Variants in CHI3L2 observed in about 807,000 individuals in gnomAD.
CHI3L2 encodes chitinase-3-like protein 2.
Under a neutral mutation model 47.3 loss-of-function variants are expected in CHI3L2, and 47 were observed. That is an observed-to-expected ratio of 0.99 (90% CI 0.79 to 1.27). The LOEUF (loss-of-function observed/expected upper bound fraction) is 1.27. Among genes scored for constraint, CHI3L2 ranks in the 50% most tolerant of loss-of-function variants. CHI3L2 has a pLI of 0.00. For synonymous variants in CHI3L2, 198 were observed against 169.9 expected, an observed-to-expected ratio of 1.17 and a Z score of -1.28; for missense variants, 497 against 462.1, an observed-to-expected ratio of 1.08 and a Z score of -0.69.
At chr1:111,232,607 A>G (rs570744629) in intron 4 of CHI3L2, among the ~76,000 whole-genome samples, 1 of 152,370 alleles carries the variant, frequency 6.6e-6, no homozygotes, top group South Asian at 2.1e-4. Flanking sequence ...ACTGTTTAGC[A>G]TAGTGCCCCT....
chr1:111,228,642 CAA>C (rs1431288529), intron 1 of CHI3L2, among the ~76,000 whole-genome samples: 3 of 152,230 alleles, frequency 2.0e-5, no homozygotes, highest in African/African-American at 7.2e-5. Context: ...TGTGAGTCAT[CAA>C]GAGAGAACAG....
intron 9 of CHI3L2, among the ~76,000 whole-genome samples, chr1:111,241,696 T>G (rs947952445): frequency 3.6e-4 from 54 of 151,804 alleles, no homozygotes; most frequent in African/African-American, 1.3e-3. Flanking sequence ...AAGTGAGGAG[T>G]GGAGAGAAGA....
intron 8 of CHI3L2, 126 bp from the exon 9 acceptor site, chr1:111,241,201 C>A: frequency 1.3e-6 from 1 of 744,418 alleles, no homozygotes. Context: ...CTCTCATTGT[C>A]TGATCCTTGG....
intron 9 of CHI3L2, 151 bp downstream of exon 9, chr1:111,241,594 A>G: frequency 1.7e-6 from 1 of 591,060 alleles, no homozygotes; most frequent in Non-Finnish European, 3.0e-6. Flanking sequence ...TCTAGTAGTG[A>G]CTCTATGTCA....
chr1:111,227,894 A>T, intron 1 of CHI3L2, 125 bp downstream of exon 1: 2 of 973,050 alleles, frequency 2.1e-6, no homozygotes, highest in South Asian at 2.9e-5. Flanking sequence ...TAGTGTCAAA[A>T]AATTTCAAGC....
In CHI3L2 at chr1:111,236,149, A is replaced by G; in HGVS notation, c.731A>G (p.Asn244Ser). 6.2e-7 allele frequency: 1 copy of G among 1,613,490 alleles called. No homozygotes were observed. The highest frequency in any genetic ancestry group is 1.1e-5 in the South Asian group (1 of 91,066). Residue 244 changes from asparagine to serine, a missense_variant, in exon 7 of 11, where the codon AAT becomes AGT. Coordinates refer to ENST00000369748, the MANE Select transcript of CHI3L2 (RefSeq NM_004000.3). ...GACAGAGGGCCAAGCTCCTACTACA[A>G]TGTGGTGAGTAGGCCAGGGGAACCG... ...WQDRGPSSYY[N>S]VEYAVGYWIH...
chr1:111,228,165 T>G (rs1220865483), intron 1 of CHI3L2, among the ~76,000 whole-genome samples: 4 of 152,194 alleles, frequency 2.6e-5, no homozygotes, highest in African/African-American at 7.2e-5. Flanking sequence ...ACATTTCTCA[T>G]CTGCAGAATG....
chr1:111,243,296 C>T lies in CHI3L2; in HGVS notation c.*82C>T. ...TCCCAGGAATTCTCATGTGGGATTC[C>T]CCTTGCCAGGCTGGCCTTTGGATCT... On this transcript the variant is annotated 3_prime_UTR_variant, in exon 11 of 11. Transcript: ENST00000369748. 1 of 455,352 alleles carries T rather than the reference C, an allele frequency of 2.2e-6. No individual in the cohort carries two copies. The highest frequency in any genetic ancestry group is 4.4e-6 in the Non-Finnish European group (1 of 226,436). The allele number at this position is 455,352 out of a possible 1,614,324, so 28.2% of individuals were successfully genotyped here.
In CHI3L2 at chr1:111,229,843, C is replaced by T; in HGVS notation, c.41-9C>T. 2 of 1,614,028 alleles carry T rather than the reference C, an allele frequency of 1.2e-6. No homozygotes were observed. Among genetic ancestry groups the T allele is most frequent in the Non-Finnish European group, 1.7e-6 (2 of 1,179,980 alleles). ...TCAACAGATTTCTCTTTCCACCCATCTATTGCAGGTGTAGTGGTCTTGCTG... is the reference window on the plus strand; with the variant it reads ...TCAACAGATTTCTCTTTCCACCCATTTATTGCAGGTGTAGTGGTCTTGCTG... On this transcript the variant is annotated splice_polypyrimidine_tract_variant and intron_variant, in intron 1 of 10. Transcript: ENST00000369748.
chr1:111,242,541 T>C, intron 10 of CHI3L2, 175 bp downstream of exon 10: 1 of 507,520 alleles, frequency 2.0e-6, no homozygotes, highest in Non-Finnish European at 3.2e-6. Flanking sequence ...AGGCTTCCCA[T>C]AGACTTTTAA....
intron 8 of CHI3L2, among the ~76,000 whole-genome samples, chr1:111,240,773 A>C (rs1429288579): frequency 6.6e-6 from 1 of 152,190 alleles, no homozygotes; most frequent in Non-Finnish European, 1.5e-5. Context: ...GAATATAGCT[A>C]ATGATAGAAG....
In CHI3L2 at chr1:111,242,342, A is replaced by G. The variant is rs1660086627; in HGVS notation, c.1151A>G (p.Lys384Arg). ...CCTTACCCTCTTGTCCAAGCAGTCAAGAGAAGCCTTGGCTCCCTGTGAAGG... is the reference window on the plus strand; with the variant it reads ...CCTTACCCTCTTGTCCAAGCAGTCAGGAGAAGCCTTGGCTCCCTGTGAAGG... ...QGPYPLVQAV[K>R]RSLGSL The change falls in exon 10 of 11, where the codon AAG becomes AGG. Residue 384 changes from lysine (K) to arginine (R), a missense_variant. Coordinates refer to ENST00000369748, the MANE Select transcript of CHI3L2 (RefSeq NM_004000.3). The G allele has an allele frequency of 1.2e-6, 2 of 1,611,652 alleles. No individual in the cohort carries two copies. The highest frequency in any genetic ancestry group is 1.7e-6 in the Non-Finnish European group (2 of 1,178,844).
In CHI3L2 at chr1:111,243,360, A is replaced by G. The variant is rs2101560961; in HGVS notation, c.*146A>G. On this transcript the variant is annotated 3_prime_UTR_variant, in exon 11 of 11. Coordinates refer to ENST00000369748, the MANE Select transcript of CHI3L2 (RefSeq NM_004000.3). ...TTCCTGACTTCCTCTTAGATCATAGATTGGACCTGGTTTTGTTTTCCTGCA... is the reference window on the plus strand; with the variant it reads ...TTCCTGACTTCCTCTTAGATCATAGGTTGGACCTGGTTTTGTTTTCCTGCA... 2.5e-6 allele frequency: 1 copy of G among 400,480 alleles called. No individual in the cohort carries two copies. Among genetic ancestry groups the G allele is most frequent in the East Asian group, 7.3e-5 (1 of 13,760 alleles). 24.8% of individuals were successfully genotyped at this position (400,480 alleles called of 1,614,324 possible).
intron 1 of CHI3L2, 152 bp from the exon 2 acceptor site, chr1:111,229,700 A>AG: frequency 8.9e-7 from 1 of 1,124,142 alleles, no homozygotes; most frequent in South Asian, 2.4e-5. Flanking sequence ...AAAAAAAAAA[A>AG]AAAAAGAAAC....
At chr1:111,232,026 A>C (rs908030223) in intron 4 of CHI3L2, among the ~76,000 whole-genome samples, 5 of 152,362 alleles carry the variant, frequency 3.3e-5, no homozygotes, top group Middle Eastern at 3.4e-3. Flanking sequence ...AGAGATCTTA[A>C]ATTTGGCTGA....
At position 111,242,430 on chromosome 1, in the gene CHI3L2, G is replaced by C. The variant is rs1384072478; in HGVS notation, c.*2+64G>C. 4.0e-6 allele frequency: 6 copies of C among 1,481,584 alleles called. No individual in the cohort carries two copies. The Admixed American group carries it at 1.1e-4, about 28-fold the overall frequency. 91.8% of individuals were successfully genotyped at this position (1,481,584 alleles called of 1,614,324 possible). A position where few individuals can be genotyped will look rare whatever the true frequency, so the allele number is the denominator to read the frequency against. On this transcript the variant is annotated intron_variant, in intron 10 of 10. Coordinates refer to ENST00000369748, the MANE Select transcript of CHI3L2 (RefSeq NM_004000.3). ...TGGGCAGAACAGGGCACAGGAGACT[G>C]GGGGAGATCATCTTCACATATTTGG...
At chr1:111,234,436 G>A (rs755196342) in intron 4 of CHI3L2, among the ~76,000 whole-genome samples, 14 of 152,186 alleles carry the variant, frequency 9.2e-5, no homozygotes, top group Admixed American at 3.3e-4. Flanking sequence ...GATTCAACAG[G>A]ATTCCTGCCA....
At chr1:111,234,764 C>T in intron 4 of CHI3L2, 143 bp from the exon 5 acceptor site, 3 of 752,788 alleles carry the variant, frequency 4.0e-6, no homozygotes, top group Non-Finnish European at 6.4e-6. Context: ...CTCGTCTGTT[C>T]CAAAAGGGGA....
intron 9 of CHI3L2, 70 bp downstream of exon 9, chr1:111,241,513 C>T: frequency 2.4e-6 from 2 of 822,738 alleles, no homozygotes; most frequent in Non-Finnish European, 4.1e-6. Context: ...CCTGAATACT[C>T]TATGTTCAAA....
Sources: allele counts gnomAD v4.1 joint callset (sites outside exome capture counted in the v4.1 genomes callset), GRCh38; gene constraint gnomAD v4.1.1; transcripts MANE v1.5; gene names NCBI Gene and HGNC (gene_info 2026-07-23, HGNC 2026-07-21).